Variants in PDE8B observed in about 807,000 individuals in gnomAD.
PDE8B encodes the protein phosphodiesterase 8B.
Under a neutral mutation model 101.3 loss-of-function variants are expected in PDE8B, and 26 were observed. The observed-to-expected ratio is 0.26, with a 90% CI of 0.19 to 0.36. PDE8B has a LOEUF of 0.36. Among genes scored for constraint, PDE8B ranks in the 10% least tolerant of loss-of-function variants. The pLI is 1.00. For synonymous variants in PDE8B, 424 were observed against 429.3 expected (o/e 0.99, Z 0.15); for missense variants, 810 against 1,163.1 (o/e 0.70, Z 4.42).
chr5:77,131,590 T>A, the PDE8B span, among the ~76,000 whole-genome samples: 1 of 152,218 alleles, frequency 6.6e-6, no homozygotes, highest in African/African-American at 2.4e-5. Context: ...AGATAATACT[T>A]ACCCGGGATG....
intron 1 of PDE8B, among the ~76,000 whole-genome samples, chr5:77,292,947 A>C (rs1007468377): frequency 6.6e-6 from 1 of 152,232 alleles, no homozygotes; most frequent in Admixed American, 6.5e-5. Flanking sequence ...ATGTTCACTT[A>C]AATTGTTTTT....
intron 5 of PDE8B, among the ~76,000 whole-genome samples, chr5:77,331,943 A>G (rs1777213178): frequency 6.6e-6 from 1 of 152,174 alleles, no homozygotes; most frequent in South Asian, 2.1e-4. Context: ...AGCAAAGAAA[A>G]ATTCTTTGAG....
intron 20 of PDE8B, among the ~76,000 whole-genome samples, chr5:77,424,819 GTTTTTTGT>G (rs1561702856): frequency 2.1e-3 from 232 of 110,092 alleles, no homozygotes; most frequent in African/African-American, 7.1e-3. Flanking sequence ...CTGTTTTTTT[GTTTTTTGT>G]TTTTTGTTTT....
intron 1 of PDE8B, among the ~76,000 whole-genome samples, chr5:77,264,673 C>T (rs1313484385): frequency 1.3e-5 from 2 of 152,056 alleles, no homozygotes; most frequent in Non-Finnish European, 2.9e-5. Context: ...AGGACATATC[C>T]AATTTTATTA....
chr5:77,328,934 C>T, intron 3 of PDE8B, 64 bp from the exon 4 acceptor site: 1 of 1,222,934 alleles, frequency 8.2e-7, no homozygotes, highest in Non-Finnish European at 1.2e-6. Flanking sequence ...TGAAGAAGTT[C>T]CACATTCATT....
chr5:77,136,160 T>C, the PDE8B span, among the ~76,000 whole-genome samples: 1 of 152,200 alleles, frequency 6.6e-6, no homozygotes, highest in African/African-American at 2.4e-5. Flanking sequence ...GTTTTCTATA[T>C]TATTCTGTTT....
intron 10 of PDE8B, among the ~76,000 whole-genome samples, chr5:77,385,110 C>A (rs1788277658): frequency 2.0e-5 from 3 of 152,046 alleles, no homozygotes; most frequent in African/African-American, 7.2e-5. Context: ...TCCTGGACTT[C>A]TTTTGGTTGG....
the PDE8B span, among the ~76,000 whole-genome samples, chr5:77,171,486 A>T: frequency 6.6e-6 from 1 of 152,176 alleles, no homozygotes; most frequent in South Asian, 2.1e-4. Flanking sequence ...CCATAGAAAA[A>T]TTTTTAAAAT....
chr5:77,180,807 G>C, the PDE8B span, among the ~76,000 whole-genome samples: 1 of 152,154 alleles, frequency 6.6e-6, no homozygotes, highest in East Asian at 1.9e-4. Context: ...TTTCTCCGTC[G>C]GGCCGGCTCC....
At chr5:77,208,008 A>G (rs908584081), upstream of PDE8B, among the ~76,000 whole-genome samples, 2 of 152,154 alleles carry the variant, frequency 1.3e-5, no homozygotes, top group Non-Finnish European at 2.9e-5. Context: ...CCTAATATGA[A>G]CTGTTCAGTT....
intron 14 of PDE8B, among the ~76,000 whole-genome samples, chr5:77,409,469 G>C (rs1794117150): frequency 2.6e-5 from 4 of 152,094 alleles, no homozygotes; most frequent in Admixed American, 2.6e-4. Context: ...TTAGACTATA[G>C]CATTTAATCT....
chr5:77,409,131 G>A (rs1039748307), intron 14 of PDE8B, 74 bp downstream of exon 14: 5 of 1,270,604 alleles, frequency 3.9e-6, no homozygotes, highest in African/African-American at 1.5e-5. Context: ...TGTGGAAACT[G>A]TTACCTGTGG....
chr5:77,343,185 C>T (rs537303977), intron 6 of PDE8B, among the ~76,000 whole-genome samples: 1 of 152,052 alleles, frequency 6.6e-6, no homozygotes, highest in Non-Finnish European at 1.5e-5. Context: ...AGTTTTTTTC[C>T]CTCAAAGCAT....
At chr5:77,320,410 TTCTGCA>T (rs1307461438) in intron 2 of PDE8B, among the ~76,000 whole-genome samples, 1 of 152,202 alleles carries the variant, frequency 6.6e-6, no homozygotes, top group Non-Finnish European at 1.5e-5. Context: ...CCCAGATCAG[TTCTGCA>T]TCTTCTCCTC....
At chr5:77,161,049 AT>A in the PDE8B span, among the ~76,000 whole-genome samples, 4 of 152,150 alleles carry the variant, frequency 2.6e-5, no homozygotes, top group Non-Finnish European at 5.9e-5. Flanking sequence ...GATGTTTATT[AT>A]GAATTTTTTC....
intron 8 of PDE8B, 60 bp downstream of exon 8, chr5:77,349,619 A>T (rs1279562562): frequency 1.9e-6 from 3 of 1,578,854 alleles, no homozygotes; most frequent in Non-Finnish European, 2.6e-6. Context: ...TTTTTTTCTG[A>T]GTTTTAGAAT....
chr5:77,099,079 CTTTATG>C, the PDE8B span, among the ~76,000 whole-genome samples: 3 of 152,132 alleles, frequency 2.0e-5, no homozygotes, highest in Non-Finnish European at 2.9e-5. Flanking sequence ...TTAATGTATA[CTTTATG>C]TTTATTTTGT....
intron 11 of PDE8B, among the ~76,000 whole-genome samples, chr5:77,402,850 G>C (rs1018487203): frequency 6.6e-6 from 1 of 152,180 alleles, no homozygotes; most frequent in Non-Finnish European, 1.5e-5. Flanking sequence ...TTTGAATCTT[G>C]ACGATTTGGC....
rs1183935114 is a variant in PDE8B, at chr5:77,427,538, C to T, written c.*984C>T. The T allele has an allele frequency of 6.6e-6, 1 of 152,076 alleles. No individual in the cohort carries two copies. The highest frequency in any genetic ancestry group is 2.4e-5 in the African/African-American group (1 of 41,404). 9.4% of individuals were successfully genotyped at this position (152,076 alleles called of 1,614,324 possible). On this transcript the variant is annotated 3_prime_UTR_variant, in exon 22 of 22. Transcript: ENST00000264917. ...TTTTGGGAGGGGATAGGGGAAGTTT[C>T]AAGGTTCAGATATTTTTAACCAGTC... is the stretch of plus-strand genomic sequence containing the variant.
Sources: gnomAD v4.1 joint callset for allele counts (sites outside exome capture counted in the v4.1 genomes callset) on GRCh38, gnomAD v4.1.1 for gene constraint, MANE v1.5 for transcripts, NCBI Gene and HGNC (gene_info 2026-07-23, HGNC 2026-07-21) for gene names.